SIL1: variants seen among roughly 807,000 people sequenced by gnomAD.
The protein encoded by SIL1 is SIL1 nucleotide exchange factor.
In SIL1, 40 loss-of-function variants were observed where a neutral mutation model predicts 49.1. That is an observed-to-expected ratio of 0.81 (90% CI 0.63 to 1.06). The LOEUF (loss-of-function observed/expected upper bound fraction) is 1.06. SIL1 is among the 50% of genes least tolerant of loss of function. The probability of loss-of-function intolerance (pLI) is 0.00; values close to 1 mark genes in which losing one functional copy is unlikely to be tolerated. For synonymous variants in SIL1, 253 were observed against 250.8 expected (o/e 1.01, Z -0.08); for missense variants, 500 against 572.6 (o/e 0.87, Z 1.29).
In SIL1 at chr5:138,996,011, G is replaced by A. The variant is rs150793574; in HGVS notation, c.767+25160C>T. On this transcript the variant is annotated intron_variant, in intron 7 of 9. Transcript: ENST00000394817. ...GCTGCAATAAACATGAATATGTGGT[G>A]ATTTCTTTGATATATTGATTTCCTT... Among the ~76,000 whole-genome samples, 102 of 152,310 alleles carry A rather than the reference G, an allele frequency of 6.7e-4. 1 individual carries two copies. Among genetic ancestry groups the A allele is most frequent in the African/African-American group, 2.3e-3 (96 of 41,578 alleles).
chr5:139,038,346 C>G (rs1768963481), intron 5 of SIL1, among the ~76,000 whole-genome samples: 2 of 152,078 alleles, frequency 1.3e-5, no homozygotes, highest in Non-Finnish European at 2.9e-5. Context: ...AGGTAGACAT[C>G]CTATTTAGGC....
At position 139,128,784 on chromosome 5, in the gene SIL1, C is replaced by T. The variant is rs112543890; in HGVS notation, c.-10-931G>A. 6.0e-3 allele frequency among the ~76,000 whole-genome samples: 909 copies of T among 152,214 alleles called. 3 individuals carry two copies. The highest frequency in any genetic ancestry group is 0.02 in the African/African-American group (836 of 41,526). On this transcript the variant is annotated intron_variant, in intron 1 of 9. Transcript: ENST00000394817. The stretch of plus-strand genomic sequence containing the variant: ...ATTCAGAGCAATCTCTGTTAAAATC[C>T]CAATGGAGAAACTCATCCCTAAAAC...
At chr5:139,098,063 T>C (rs1283041030) in intron 3 of SIL1, among the ~76,000 whole-genome samples, 1 of 152,140 alleles carries the variant, frequency 6.6e-6, no homozygotes, top group East Asian at 1.9e-4. Context: ...AAAATACCAA[T>C]GACATTCTTC....
chr5:139,116,204 A>G (rs763736546), intron 3 of SIL1, among the ~76,000 whole-genome samples: 7 of 152,220 alleles, frequency 4.6e-5, no homozygotes, highest in African/African-American at 7.2e-5. Context: ...TTAAAATTCA[A>G]TTCCCTCTTA....
intron 7 of SIL1, among the ~76,000 whole-genome samples, chr5:138,984,849 G>A (rs775999175): frequency 2.6e-5 from 4 of 152,234 alleles, no homozygotes; most frequent in Admixed American, 2.0e-4. Flanking sequence ...AAAGCAGGGC[G>A]ATGCCTCTGA....
At chr5:139,042,491 CT>C in intron 5 of SIL1, 128 bp downstream of exon 5, 1 of 854,692 alleles carries the variant, frequency 1.2e-6, no homozygotes, top group Non-Finnish European at 2.0e-6. Context: ...CATTAATGTT[CT>C]TTAAATTATT....
intron 5 of SIL1, among the ~76,000 whole-genome samples, chr5:139,038,867 G>T (rs1768976610): frequency 6.6e-6 from 1 of 152,204 alleles, no homozygotes; most frequent in Non-Finnish European, 1.5e-5. Context: ...CTGCCTCCAA[G>T]TTGGGGGTGG....
rs145087612 is a variant in SIL1 at position 139,026,761 on chromosome 5, G to C, written c.645+40C>G. On this transcript the variant is annotated intron_variant, in intron 6 of 9. Coordinates refer to ENST00000394817, the MANE Select transcript of SIL1 (RefSeq NM_022464.5). ...TAGGGAAGGGGGATTTATTTTTGGA[G>C]CTGTTAAAAGTCTGACTTATGGACG... 5.5e-3 allele frequency: 8,725 copies of C among 1,576,190 alleles called. 58 individuals are homozygous for C. Among genetic ancestry groups the C allele is most frequent in the Middle Eastern group, 0.014 (82 of 6,006 alleles).
At chr5:139,085,260 G>A (rs1770190193) in intron 3 of SIL1, among the ~76,000 whole-genome samples, 1 of 152,152 alleles carries the variant, frequency 6.6e-6, no homozygotes, top group African/African-American at 2.4e-5. Context: ...AAGTGAGTGT[G>A]TACAGGACCA....
Position 139,057,314 on chromosome 5 carries a change from T to TTAAAAAAAAAAAAAAAAAAAA in SIL1, c.245-6269_245-6268insTTTTTTTTTTTTTTTTTTTTA, listed in dbSNP as rs781049621. On this transcript the variant is annotated intron_variant, in intron 3 of 9. Coordinates refer to ENST00000394817, the MANE Select transcript of SIL1 (RefSeq NM_022464.5). ...GCGAGAAACACCCAAGAATGATCAATAAAAAAAAAAAAAAGAAAAGAAAAG... is the reference window on the plus strand; with the variant it reads ...GCGAGAAACACCCAAGAATGATCAATTAAAAAAAAAAAAAAAAAAAAAAAAAAAAAAAAAAGAAAAGAAAAG... 8.6e-4 allele frequency among the ~76,000 whole-genome samples: 63 copies of TTAAAAAAAAAAAAAAAAAAAA among 73,272 alleles called. 5 individuals carry two copies. Among genetic ancestry groups the TTAAAAAAAAAAAAAAAAAAAA allele is most frequent in the African/African-American group, 1.6e-3 (27 of 16,506 alleles). The allele number at this position is 73,272 out of a possible 152,430, so 48.1% of individuals were successfully genotyped here.
chr5:139,085,533 G>T (rs905425674), intron 3 of SIL1, among the ~76,000 whole-genome samples: 1 of 152,180 alleles, frequency 6.6e-6, no homozygotes, highest in African/African-American at 2.4e-5. Flanking sequence ...AGAGCAGTGG[G>T]AATGGAAATA....
At chr5:138,998,414 T>G (rs1767919145) in intron 7 of SIL1, among the ~76,000 whole-genome samples, 1 of 152,198 alleles carries the variant, frequency 6.6e-6, no homozygotes, top group African/African-American at 2.4e-5. Flanking sequence ...GTCATCTGCC[T>G]GCATCAGCCT....
intron 3 of SIL1, among the ~76,000 whole-genome samples, chr5:139,109,261 C>A (rs1770791544): frequency 1.3e-5 from 2 of 152,166 alleles, no homozygotes; most frequent in South Asian, 4.1e-4. Context: ...ATTCCTCCAG[C>A]CTCTACATCT....
rs563987120 is a variant in SIL1, at chr5:139,074,375, T to A, written c.245-23329A>T. On this transcript the variant is annotated intron_variant, in intron 3 of 9. Transcript: ENST00000394817. Reference sequence around the variant, plus strand: ...GCTGGTCTATTTATACTTTAAAACATCATGTTGTACATGGAAAATACATAC... The same window carrying A: ...GCTGGTCTATTTATACTTTAAAACAACATGTTGTACATGGAAAATACATAC... Among the ~76,000 whole-genome samples the A allele has an allele frequency of 3.3e-5, 5 of 152,318 alleles. No homozygotes were observed. In the South Asian group the frequency reaches 1.0e-3, roughly 32 times the overall value.
chr5:139,144,197 G>A (rs1751148498), intron 1 of SIL1, among the ~76,000 whole-genome samples: 1 of 152,166 alleles, frequency 6.6e-6, no homozygotes, highest in African/African-American at 2.4e-5. Flanking sequence ...AGTGATTCAT[G>A]CCTGTAATCC....
intron 3 of SIL1, among the ~76,000 whole-genome samples, chr5:139,112,536 C>A (rs1360225331): frequency 6.6e-6 from 1 of 151,428 alleles, no homozygotes; most frequent in South Asian, 2.1e-4. Context: ...GCCCGGCCGC[C>A]CCGTCTGAGA....
chr5:139,188,015 G>C (rs1360392896), intron 1 of SIL1: 1 of 152,936 alleles, frequency 6.5e-6, no homozygotes, highest in Non-Finnish European at 1.5e-5. Flanking sequence ...CGCCATGATG[G>C]TAAGTTTCCT....
intron 5 of SIL1, among the ~76,000 whole-genome samples, chr5:139,028,424 G>A (rs1438875355): frequency 6.6e-6 from 1 of 152,138 alleles, no homozygotes; most frequent in Non-Finnish European, 1.5e-5. Flanking sequence ...CTTGAACCCA[G>A]AAGGCAGAGG....
At chr5:139,134,145 C>T (rs1368786726) in intron 1 of SIL1, among the ~76,000 whole-genome samples, 1 of 152,114 alleles carries the variant, frequency 6.6e-6, no homozygotes, top group Non-Finnish European at 1.5e-5. Flanking sequence ...TGAGACAGGG[C>T]CTCACTCTGT....
Sources: allele counts gnomAD v4.1 joint callset (sites outside exome capture counted in the v4.1 genomes callset), GRCh38; gene constraint gnomAD v4.1.1; transcripts MANE v1.5; gene names NCBI Gene and HGNC (gene_info 2026-07-23, HGNC 2026-07-21).